The following SEM1 variants were observed in gnomAD, a reference collection of about 807,000 sequenced individuals.
SEM1 encodes 26S proteasome complex subunit SEM1.
SEM1 carries 3 observed loss-of-function variants against 12.7 expected under a neutral mutation model. That is an observed-to-expected ratio of 0.24 (90% CI 0.11 to 0.61). The LOEUF is 0.61. Among genes scored for constraint, SEM1 ranks in the 20% least tolerant of loss-of-function variants. The pLI, the probability that SEM1 is intolerant of heterozygous loss-of-function variation, is 0.88. For missense variants in SEM1, 59 were observed against 81.3 expected (o/e 0.73, Z 1.06); for synonymous variants, 30 against 27.8 (o/e 1.08, Z -0.25).
intron 2 of SEM1, among the ~76,000 whole-genome samples, chr7:96,596,186 G>A (rs1213357985): frequency 6.6e-6 from 1 of 152,218 alleles, no homozygotes; most frequent in African/African-American, 2.4e-5. Flanking sequence ...AACCCAAAGA[G>A]CAGTGGTTGA....
At chr7:96,704,851 A>C (rs1790396928) in intron 1 of SEM1, among the ~76,000 whole-genome samples, 1 of 152,238 alleles carries the variant, frequency 6.6e-6, no homozygotes, top group Non-Finnish European at 1.5e-5. Flanking sequence ...TTGAATGTTT[A>C]GTCCTGTTGG....
At chr7:96,484,968 A>G in intron 2 of SEM1, 1 of 570,576 alleles carries the variant, frequency 1.8e-6, no homozygotes, top group Non-Finnish European at 2.8e-6. Context: ...TCCTGTTGAG[A>G]CTGACAAAAA....
intron 2 of SEM1, among the ~76,000 whole-genome samples, chr7:96,571,421 C>T (rs976618466): frequency 4.0e-5 from 6 of 151,818 alleles, no homozygotes; most frequent in East Asian, 3.9e-4. Flanking sequence ...TTTCTGCAGA[C>T]GGCTAGCCAG....
At chr7:96,691,029 C>A (rs1789916141) in intron 2 of SEM1, among the ~76,000 whole-genome samples, 1 of 152,158 alleles carries the variant, frequency 6.6e-6, no homozygotes, top group Non-Finnish European at 1.5e-5. Flanking sequence ...CCTCGGCCTC[C>A]CAAAGTGCTG....
chr7:96,533,328 C>T (rs991454960), intron 2 of SEM1, among the ~76,000 whole-genome samples: 9 of 152,140 alleles, frequency 5.9e-5, no homozygotes, highest in Non-Finnish European at 1.0e-4. Context: ...AAGCAATTTT[C>T]TCCTCCCACC....
intron 2 of SEM1, among the ~76,000 whole-genome samples, chr7:96,516,628 A>G (rs887249309): frequency 2.0e-5 from 3 of 152,166 alleles, no homozygotes; most frequent in African/African-American, 7.2e-5. Context: ...TCATTCATTG[A>G]TGGTGGAAAT....
intron 2 of SEM1, among the ~76,000 whole-genome samples, chr7:96,515,589 C>G (rs1259021871): frequency 6.6e-6 from 1 of 152,108 alleles, no homozygotes; most frequent in African/African-American, 2.4e-5. Flanking sequence ...ATGTTTATTG[C>G]AGCACTATTC....
intron 2 of SEM1, chr7:96,558,275 G>C (rs751415039): frequency 2.0e-5 from 3 of 152,508 alleles, no homozygotes; most frequent in Non-Finnish European, 4.4e-5. Context: ...TTATGAAACA[G>C]AAAAGAAGCA....
intron 2 of SEM1, among the ~76,000 whole-genome samples, chr7:96,689,308 A>G (rs546387523): frequency 1.3e-5 from 2 of 152,296 alleles, no homozygotes; most frequent in African/African-American, 4.8e-5. Context: ...ATATTTAAAC[A>G]TAAGTTTTGA....
intron 2 of SEM1, among the ~76,000 whole-genome samples, chr7:96,613,439 A>T (rs932936736): frequency 6.6e-6 from 1 of 152,124 alleles, no homozygotes; most frequent in South Asian, 2.1e-4. Flanking sequence ...GGTTTTTTTG[A>T]AATTTTATTT....
intron 2 of SEM1, among the ~76,000 whole-genome samples, chr7:96,599,721 G>C (rs7808184): frequency 0.8 from 121,002 of 152,160 alleles, 48,851 homozygotes; most frequent in East Asian, 0.88. Flanking sequence ...TGACCCACAC[G>C]CATCCTGGGG....
intron 2 of SEM1, among the ~76,000 whole-genome samples, chr7:96,582,525 T>G (rs1379119052): frequency 6.6e-6 from 1 of 151,400 alleles, no homozygotes; most frequent in Admixed American, 6.7e-5. Flanking sequence ...TTCTATTGAT[T>G]GGAATAGTTT....
At chr7:96,547,212 C>T (rs773427519) in intron 2 of SEM1, among the ~76,000 whole-genome samples, 1 of 152,142 alleles carries the variant, frequency 6.6e-6, no homozygotes, top group Non-Finnish European at 1.5e-5. Context: ...CTTCTTATAT[C>T]TCCAGTGTTG....
intron 2 of SEM1, among the ~76,000 whole-genome samples, chr7:96,595,565 T>G (rs1305220312): frequency 6.6e-6 from 1 of 152,182 alleles, no homozygotes; most frequent in Non-Finnish European, 1.5e-5. Flanking sequence ...AAGACTCTGT[T>G]GTCCCCAAAG....
intron 2 of SEM1, among the ~76,000 whole-genome samples, chr7:96,536,990 C>T (rs1804805103): frequency 6.6e-6 from 1 of 151,684 alleles, no homozygotes; most frequent in South Asian, 2.1e-4. Flanking sequence ...TTGGTTTATT[C>T]TCCCTCTTTT....
intron 2 of SEM1, among the ~76,000 whole-genome samples, chr7:96,664,624 C>T (rs1424735100): frequency 1.3e-5 from 2 of 152,236 alleles, no homozygotes; most frequent in East Asian, 3.9e-4. Flanking sequence ...CATTTTTGGC[C>T]ATGTAAAACA....
chr7:96,564,816 A>T (rs1584767384), intron 2 of SEM1, among the ~76,000 whole-genome samples: 1 of 152,174 alleles, frequency 6.6e-6, no homozygotes, highest in East Asian at 1.9e-4. Context: ...TATACAGAAA[A>T]TATTGATAGA....
At chr7:96,488,826 G>C (rs532086798) in intron 1 of SEM1, among the ~76,000 whole-genome samples, 1 of 151,990 alleles carries the variant, frequency 6.6e-6, no homozygotes, top group Non-Finnish European at 1.5e-5. Flanking sequence ...GAAGTGTATT[G>C]GCCTGTTTTG....
intron 2 of SEM1, among the ~76,000 whole-genome samples, chr7:96,506,902 C>T (rs575757544): frequency 1.3e-5 from 2 of 152,076 alleles, no homozygotes; most frequent in African/African-American, 2.4e-5. Context: ...TCAGGATGCA[C>T]ACAGATGCAA....
Sources: allele counts gnomAD v4.1 joint callset (sites outside exome capture counted in the v4.1 genomes callset), GRCh38; gene constraint gnomAD v4.1.1; transcripts MANE v1.5; gene names NCBI Gene and HGNC (gene_info 2026-07-23, HGNC 2026-07-21).